The following PLS1 variants were observed in gnomAD, a reference collection of about 807,000 sequenced individuals.
The protein encoded by PLS1 is plastin 1.
A neutral mutation model predicts 73.7 loss-of-function variants in PLS1; 32 were observed. The ratio of observed to expected loss-of-function variants is 0.43; its 90% CI spans 0.33 to 0.58. The LOEUF (loss-of-function observed/expected upper bound fraction) is 0.58. Among genes scored for constraint, PLS1 ranks in the 20% least tolerant of loss-of-function variants. The pLI is 0.04. For synonymous variants in PLS1, 217 were observed against 261.3 expected (o/e 0.83, Z 1.63); for missense variants, 633 against 740.5 (o/e 0.85, Z 1.68).
At chr3:142,632,165 T>C (rs1230488754) in intron 1 of PLS1, among the ~76,000 whole-genome samples, 1 of 152,172 alleles carries the variant, frequency 6.6e-6, no homozygotes, top group African/African-American at 2.4e-5. Flanking sequence ...CGACTTACAA[T>C]TTTTTAACTT....
chr3:142,629,242 G>A (rs371579169), intron 1 of PLS1, among the ~76,000 whole-genome samples: 210 of 151,528 alleles, frequency 1.4e-3, no homozygotes, highest in Non-Finnish European at 2.2e-3. Context: ...TGTCACCCAG[G>A]CTGGAGTGCA....
chr3:142,687,931 C>T (rs2038005880), intron 9 of PLS1, among the ~76,000 whole-genome samples: 1 of 150,794 alleles, frequency 6.6e-6, no homozygotes, highest in Non-Finnish European at 1.5e-5. Flanking sequence ...ATAAGGTCCA[C>T]ATGTTGTCTT....
intron 4 of PLS1, among the ~76,000 whole-genome samples, chr3:142,675,371 G>GT (rs2037698761): frequency 6.8e-6 from 1 of 147,352 alleles, no homozygotes; most frequent in South Asian, 2.1e-4. Flanking sequence ...TTTTTTGTTT[G>GT]TTTTTTTGTT....
chr3:142,667,353 T>C (rs372563239), intron 2 of PLS1, among the ~76,000 whole-genome samples: 9 of 152,132 alleles, frequency 5.9e-5, no homozygotes, highest in African/African-American at 2.2e-4. Flanking sequence ...AGGCAGAGGT[T>C]GTAGTGAGCT....
At chr3:142,687,131 T>C (rs908422740) in intron 9 of PLS1, among the ~76,000 whole-genome samples, 2 of 151,972 alleles carry the variant, frequency 1.3e-5, no homozygotes, top group East Asian at 3.9e-4. Flanking sequence ...AATCAGGATG[T>C]CCAGTCTTTT....
intron 2 of PLS1, among the ~76,000 whole-genome samples, chr3:142,668,647 G>A (rs1361473970): frequency 6.6e-6 from 1 of 151,508 alleles, no homozygotes; most frequent in Non-Finnish European, 1.5e-5. Context: ...TGTTGCCCAG[G>A]GTGGAGTACA....
chr3:142,696,918 C>T (rs1026782371), intron 11 of PLS1, among the ~76,000 whole-genome samples: 7 of 151,894 alleles, frequency 4.6e-5, no homozygotes, highest in African/African-American at 1.7e-4. Flanking sequence ...TAATTACCTT[C>T]ATATCAGACT....
At chr3:142,642,122 C>T (rs1283519213) in intron 1 of PLS1, among the ~76,000 whole-genome samples, 3 of 152,010 alleles carry the variant, frequency 2.0e-5, no homozygotes, top group Non-Finnish European at 4.4e-5. Context: ...CTACATGTTT[C>T]CCTTGTCACC....
chr3:142,651,849 C>T (rs566562822), intron 1 of PLS1, among the ~76,000 whole-genome samples: 8 of 152,360 alleles, frequency 5.3e-5, no homozygotes, highest in Non-Finnish European at 1.2e-4. Context: ...ATCAGAAGAT[C>T]TGGCAACCCT....
intron 12 of PLS1, 34 bp from the exon 13 acceptor site, chr3:142,703,834 A>G (rs2038387971): frequency 6.6e-7 from 1 of 1,508,488 alleles, no homozygotes; most frequent in Admixed American, 1.7e-5. Flanking sequence ...GTTTTTAAAA[A>G]TCTTTTTATA....
intron 1 of PLS1, among the ~76,000 whole-genome samples, chr3:142,603,367 A>G (rs2035959840): frequency 6.6e-6 from 1 of 152,224 alleles, no homozygotes; most frequent in African/African-American, 2.4e-5. Flanking sequence ...TCATCAGAAA[A>G]TATTTCCTAG....
In PLS1 at chr3:142,713,339, T is replaced by C. The variant is rs1933220757; in HGVS notation, c.*1332T>C. The C allele has an allele frequency of 6.6e-6, 1 of 152,634 alleles. No homozygotes were observed. Among genetic ancestry groups the C allele is most frequent in the African/African-American group, 2.4e-5 (1 of 41,464 alleles). 9.5% of individuals were successfully genotyped at this position (152,634 alleles called of 1,614,324 possible). ...TGTGAATGAGTAGTCTAAATTCCCT[T>C]TCTACCATTGATTTAAATATATATA... On this transcript the variant is annotated 3_prime_UTR_variant, in exon 16 of 16. Transcript: ENST00000457734.
chr3:142,694,443 T>TC, intron 10 of PLS1, 26 bp from the exon 11 acceptor site: 1 of 1,453,674 alleles, frequency 6.9e-7, no homozygotes, highest in Non-Finnish European at 9.6e-7. Flanking sequence ...TCCTGAGTCA[T>TC]CAGTGTGAGC....
intron 1 of PLS1, chr3:142,656,829 C>T (rs547265044): frequency 1.2e-4 from 18 of 152,190 alleles, no homozygotes; most frequent in Admixed American, 2.0e-4. Flanking sequence ...AAGAAGAGGA[C>T]ATGGGGTACC....
intron 1 of PLS1, among the ~76,000 whole-genome samples, chr3:142,644,449 C>T (rs1322957441): frequency 6.6e-6 from 1 of 151,976 alleles, no homozygotes; most frequent in Non-Finnish European, 1.5e-5. Flanking sequence ...GATGGGGTCT[C>T]TCTGTGTTGT....
intron 2 of PLS1, among the ~76,000 whole-genome samples, chr3:142,666,215 G>GTA (rs1236410628): frequency 3.3e-5 from 5 of 152,118 alleles, no homozygotes; most frequent in African/African-American, 1.2e-4. Context: ...ATTTTTAAGT[G>GTA]TATAGTTCAT....
In PLS1 at chr3:142,632,428, A is replaced by C. The variant is rs75328096; in HGVS notation, c.-36-31774A>C. On this transcript the variant is annotated intron_variant, in intron 1 of 15. Transcript: ENST00000457734. Reference sequence around the variant, plus strand: ...CAACAGCAAACAAATAGAAAATTTAAAAAGTGTTGCTGAGGGGATGCAGAG... The same window carrying C: ...CAACAGCAAACAAATAGAAAATTTACAAAGTGTTGCTGAGGGGATGCAGAG... Among the ~76,000 whole-genome samples, 501 of 152,314 alleles carry C rather than the reference A, an allele frequency of 3.3e-3. 1 individual carries two copies. Among genetic ancestry groups the C allele is most frequent in the African/African-American group, 0.012 (483 of 41,562 alleles).
intron 6 of PLS1, 124 bp from the exon 7 acceptor site, chr3:142,683,882 C>A: frequency 3.3e-6 from 2 of 611,360 alleles, no homozygotes; most frequent in Non-Finnish European, 5.4e-6. Context: ...GTGGTATTTT[C>A]GTTGTATAAA....
intron 2 of PLS1, among the ~76,000 whole-genome samples, chr3:142,668,583 C>T (rs2037527116): frequency 1.3e-5 from 2 of 150,926 alleles, no homozygotes; most frequent in South Asian, 4.2e-4. Context: ...TTTTAGCTAT[C>T]TGTGACTTCC....
Sources: allele counts gnomAD v4.1 joint callset (sites outside exome capture counted in the v4.1 genomes callset), GRCh38; gene constraint gnomAD v4.1.1; transcripts MANE v1.5; gene names NCBI Gene and HGNC (gene_info 2026-07-23, HGNC 2026-07-21).